Variants in CYB561D1 observed in about 807,000 individuals in gnomAD.
CYB561D1 encodes cytochrome b561 family member D1.
CYB561D1 carries 15 observed loss-of-function variants against 19.2 expected under a neutral mutation model. That is an observed-to-expected ratio of 0.78 (90% confidence interval 0.52 to 1.20). CYB561D1 has a LOEUF of 1.20. Among genes scored for constraint, CYB561D1 ranks in the 50% most tolerant of loss-of-function variants. CYB561D1 has a pLI of 0.00. For missense variants in CYB561D1, 297 were observed against 287.3 expected, an observed-to-expected ratio of 1.03 and a Z score of -0.24; for synonymous variants, 133 against 120.6, an observed-to-expected ratio of 1.10 and a Z score of -0.68.
rs556410232 is a variant in CYB561D1 at position 109,497,178 on chromosome 1, C to G, written c.*919C>G. ...GGGCTGCAGGGCCTGCGTGCGCTCCCTCCCCCGAAATCACTTCTCAGGGCA... is the reference window on the plus strand; with the variant it reads ...GGGCTGCAGGGCCTGCGTGCGCTCCGTCCCCCGAAATCACTTCTCAGGGCA... On this transcript the variant is annotated 3_prime_UTR_variant, in exon 3 of 3. Coordinates refer to ENST00000420578, the MANE Select transcript of CYB561D1 (RefSeq NM_182580.3). 9 of 152,746 alleles carry G rather than the reference C, an allele frequency of 5.9e-5. No homozygotes were observed. Among genetic ancestry groups the G allele is most frequent in the African/African-American group, 2.2e-4 (9 of 41,590 alleles). 9.5% of individuals were successfully genotyped at this position (152,746 alleles called of 1,614,324 possible).
Position 109,495,135 on chromosome 1 carries a change from A to G in CYB561D1, c.149-8A>G. On this transcript the variant is annotated splice_polypyrimidine_tract_variant and splice_region_variant and intron_variant, in intron 1 of 2. Coordinates refer to ENST00000420578, the MANE Select transcript of CYB561D1 (RefSeq NM_182580.3). Reference sequence around the variant, plus strand: ...CCAAGCCCTCAGCCTGTTCTCTTTGATTCTTAGGTCTTTTCTCCTGGCACC... The same window carrying G: ...CCAAGCCCTCAGCCTGTTCTCTTTGGTTCTTAGGTCTTTTCTCCTGGCACC... 2 of 1,614,164 alleles carry G rather than the reference A, an allele frequency of 1.2e-6. No homozygotes were observed. The highest frequency in any genetic ancestry group is 1.7e-6 in the Non-Finnish European group (2 of 1,180,030).
In CYB561D1 at chr1:109,497,559, G is replaced by A. The variant is rs1201779787; in HGVS notation, c.*1300G>A. 1 of 152,326 alleles carries A rather than the reference G, an allele frequency of 6.6e-6. No individual in the cohort carries two copies. Among genetic ancestry groups the A allele is most frequent in the African/African-American group, 2.4e-5 (1 of 41,456 alleles). 9.4% of individuals were successfully genotyped at this position (152,326 alleles called of 1,614,324 possible). On this transcript the variant is annotated 3_prime_UTR_variant, in exon 3 of 3. Coordinates refer to ENST00000420578, the MANE Select transcript of CYB561D1 (RefSeq NM_182580.3). ...TGAGGACTGGATGCTAGACTGCTGA[G>A]CTGTGGTCTGGGCTCAGTTGAGAAG... is the stretch of plus-strand genomic sequence containing the variant.
At chr1:109,495,115 C>T in intron 1 of CYB561D1, 28 bp from the exon 2 acceptor site, 1 of 1,613,960 alleles carries the variant, frequency 6.2e-7, no homozygotes, top group Non-Finnish European at 8.5e-7. Flanking sequence ...TGGTACCAAG[C>T]CCTCAGCCTG....
Position 109,496,232 on chromosome 1 carries a change from C to A in CYB561D1, c.663C>A (p.Tyr221Ter). 6.3e-7 allele frequency: 1 copy of A among 1,577,154 alleles called. No homozygotes were observed. Among genetic ancestry groups the A allele is most frequent in the Non-Finnish European group, 8.7e-7 (1 of 1,154,908 alleles). The change falls in exon 3 of 3, where the codon TAC (tyrosine) becomes TAA (stop). Residue 221 changes from tyrosine to a stop codon, truncating the protein, a stop_gained. Coordinates refer to ENST00000420578, the MANE Select transcript of CYB561D1 (RefSeq NM_182580.3). LOFTEE classifies it high-confidence loss of function. ...LVIMHQISRS[Y>*]LPRKKMEM ...TCATGCACCAGATTTCCAGATCCTA[C>A]TTGCCGAGGAAGAAAATGGAAATGT...
chr1:109,495,952 G>A lies in CYB561D1; in HGVS notation c.383G>A (p.Ser128Asn). The change falls in exon 3 of 3, where the codon AGC (serine) becomes AAC (asparagine). Residue 128 changes from serine (S) to asparagine (N), a missense_variant. Coordinates refer to ENST00000420578, the MANE Select transcript of CYB561D1 (RefSeq NM_182580.3). The part of the protein sequence containing the change: ...SELPHLVSWH[S>N]WVGALTLLAT... ...CTGCCTCATCTGGTGTCCTGGCACA[G>A]CTGGGTGGGAGCCCTGACACTGCTG... 6.2e-7 allele frequency: 1 copy of A among 1,613,544 alleles called. No individual in the cohort carries two copies. The highest frequency in any genetic ancestry group is 1.1e-5 in the South Asian group (1 of 91,052).
chr1:109,494,394 G>A, intron 1 of CYB561D1, 107 bp downstream of exon 1: 1 of 1,532,614 alleles, frequency 6.5e-7, no homozygotes, highest in Non-Finnish European at 8.8e-7. Context: ...CAGTAAAGGG[G>A]AGACAGAAAC....
chr1:109,494,385 A>G, intron 1 of CYB561D1, 98 bp downstream of exon 1: 3 of 1,523,952 alleles, frequency 2.0e-6, no homozygotes, highest in Non-Finnish European at 2.6e-6. Flanking sequence ...GGACCCCAGC[A>G]GTAAAGGGGA....
In CYB561D1 at chr1:109,495,463, G is replaced by A. The variant is rs148935258; in HGVS notation, c.186+283G>A. Among the ~76,000 whole-genome samples, 384 of 152,270 alleles carry A rather than the reference G, an allele frequency of 2.5e-3. 1 individual carries two copies. Among genetic ancestry groups the A allele is most frequent in the South Asian group, 2.7e-3 (13 of 4,828 alleles). On this transcript the variant is annotated intron_variant, in intron 2 of 2. Transcript: ENST00000420578. ...GAGAGGTGTTATCCGGTCATCTCCCGACTTGTCCCCAAAGTTCAGGAAGAA... is the reference window on the plus strand; with the variant it reads ...GAGAGGTGTTATCCGGTCATCTCCCAACTTGTCCCCAAAGTTCAGGAAGAA...
rs1324246427 is a variant in CYB561D1 at position 109,494,220 on chromosome 1, G to T, written c.81G>T (p.Gly27=). Residue 27 remains glycine (G), a synonymous_variant, in exon 1 of 3, where the codon GGG becomes GGT. Coordinates refer to ENST00000420578, the MANE Select transcript of CYB561D1 (RefSeq NM_182580.3). The part of the protein sequence containing the change: ...RLTRWLRRGS[G]ILAHLVALGF... ...CCCGCTGGCTGCGGAGAGGCAGTGG[G>T]ATCTTGGCGCACCTGGTAGCTTTGG... is the stretch of plus-strand genomic sequence containing the variant. 1 of 1,569,380 alleles carries T rather than the reference G, an allele frequency of 6.4e-7. No individual in the cohort carries two copies. The highest frequency in any genetic ancestry group is 8.6e-7 in the Non-Finnish European group (1 of 1,157,088).
At position 109,496,786 on chromosome 1, in the gene CYB561D1, T is replaced by C. The variant is rs1049589068; in HGVS notation, c.*527T>C. Reference sequence around the variant, plus strand: ...CTCTAAGTCCCTTCCTTCTCTAATATACAGCGTCTGTCAGGTCGATGTCTC... The same window carrying C: ...CTCTAAGTCCCTTCCTTCTCTAATACACAGCGTCTGTCAGGTCGATGTCTC... On this transcript the variant is annotated 3_prime_UTR_variant, in exon 3 of 3. Transcript: ENST00000420578. The C allele has an allele frequency of 6.6e-6, 1 of 152,494 alleles. No homozygotes were observed. The highest frequency in any genetic ancestry group is 1.5e-5 in the Non-Finnish European group (1 of 68,254). The allele number at this position is 152,494 out of a possible 1,614,324, so 9.4% of individuals were successfully genotyped here.
Position 109,494,156 on chromosome 1 carries a change from T to A in CYB561D1, c.17T>A (p.Val6Glu). MQPLEVGLVPAPAGEP... is the reference protein window; with the variant it reads MQPLEEGLVPAPAGEP... Reference sequence around the variant, plus strand: ...GCCACGGCCATGCAGCCCCTGGAGGTAGGTCTGGTTCCCGCTCCAGCTGGG... The same window carrying A: ...GCCACGGCCATGCAGCCCCTGGAGGAAGGTCTGGTTCCCGCTCCAGCTGGG... The change falls in exon 1 of 3, where the codon GTA (valine) becomes GAA (glutamate). Residue 6 changes from valine to glutamate, a missense_variant. Transcript: ENST00000420578. The A allele has an allele frequency of 6.5e-7, 1 of 1,535,700 alleles. No homozygotes were observed. The highest frequency in any genetic ancestry group is 8.8e-7 in the Non-Finnish European group (1 of 1,138,272).
rs541007400 is a variant in CYB561D1 at position 109,499,287 on chromosome 1, G to C, written c.*3028G>C. On this transcript the variant is annotated 3_prime_UTR_variant, in exon 3 of 3. Coordinates refer to ENST00000420578, the MANE Select transcript of CYB561D1 (RefSeq NM_182580.3). ...CTTTCACAAGGCAGGCTGCCCTTCC[G>C]CACTCACTGGCCCATCCCTTCTTTC... is the stretch of plus-strand genomic sequence containing the variant. The C allele has an allele frequency of 3.6e-4, 55 of 152,484 alleles. No individual in the cohort carries two copies. Among genetic ancestry groups the C allele is most frequent in the Non-Finnish European group, 6.7e-4 (46 of 68,194 alleles). 9.4% of individuals were successfully genotyped at this position (152,484 alleles called of 1,614,324 possible).
At chr1:109,495,322 T>A (rs1429234869) in intron 2 of CYB561D1, 142 bp downstream of exon 2, 1 of 1,054,884 alleles carries the variant, frequency 9.5e-7, no homozygotes, top group Non-Finnish European at 1.4e-6. Flanking sequence ...CCCTGCAGCC[T>A]ATGGGATTGG....
chr1:109,495,303 C>A, intron 2 of CYB561D1, 123 bp downstream of exon 2: 2 of 1,161,984 alleles, frequency 1.7e-6, no homozygotes, highest in Non-Finnish European at 2.6e-6. Flanking sequence ...ACATCTAGGG[C>A]TCATCTTTCC....
chr1:109,494,898 GGCTGCCAGCTGAGAGGT>G, intron 1 of CYB561D1, among the ~76,000 whole-genome samples: 1 of 152,286 alleles, frequency 6.6e-6, no homozygotes, highest in East Asian at 1.9e-4. Context: ...CAGAGGACTG[GGCTGCCAGCTGAGAGGT>G]GCTGAACGGG....
intron 2 of CYB561D1, chr1:109,495,535 GAGGTT>G (rs1314240840): frequency 3.8e-6 from 3 of 798,246 alleles, no homozygotes; most frequent in Non-Finnish European, 5.8e-6. Flanking sequence ...AGTCATTGTA[GAGGTT>G]GGGATGGGGA....
In CYB561D1 at chr1:109,497,838, C is replaced by CA. The variant is rs11398789; in HGVS notation, c.*1580dup. 0.31 allele frequency: 47,114 copies of CA among 151,944 alleles called. 7,719 individuals carry two copies. Among genetic ancestry groups the CA allele is most frequent in the African/African-American group, 0.39 (15,942 of 41,358 alleles). The allele number at this position is 151,944 out of a possible 1,614,324, so 9.4% of individuals were successfully genotyped here. ...TTGGTTTGATTCAATAGTATGGGGA[C>CA]AGAATGGGGACAGCAAGGGCAGAAG... On this transcript the variant is annotated 3_prime_UTR_variant, in exon 3 of 3. Transcript: ENST00000420578.
chr1:109,495,143 G>T lies in CYB561D1; in HGVS notation c.149G>T (p.Ser50Ile). The T allele has an allele frequency of 6.2e-7, 1 of 1,614,196 alleles. No homozygotes were observed. Among genetic ancestry groups the T allele is most frequent in the Non-Finnish European group, 8.5e-7 (1 of 1,180,024 alleles). ...TCAGCCTGTTCTCTTTGATTCTTAG[G>T]TCTTTTCTCCTGGCACCCTGTATTC... is the stretch of plus-strand genomic sequence containing the variant. ...FLTALSRPGT[S>I]LFSWHPVFMA... Residue 50 changes from serine to isoleucine, a missense_variant and splice_region_variant, in exon 2 of 3, where the codon AGT (serine) becomes ATT (isoleucine). Coordinates refer to ENST00000420578, the MANE Select transcript of CYB561D1 (RefSeq NM_182580.3).
rs1557883589 is a variant in CYB561D1 at position 109,498,858 on chromosome 1, A to ATT, written c.*2599_*2600insTT. 24 of 95,282 alleles carry ATT rather than the reference A, an allele frequency of 2.5e-4. No individual in the cohort carries two copies. The highest frequency in any genetic ancestry group is 8.6e-4 in the African/African-American group (23 of 26,820). The allele number at this position is 95,282 out of a possible 1,614,324, so 5.9% of individuals were successfully genotyped here. On this transcript the variant is annotated 3_prime_UTR_variant, in exon 3 of 3. Transcript: ENST00000420578. ...GTCAGCCTGTTTTGCCTTTTTTTAA[A>ATT]AAAAAAAAAAAAGCCAGGGCAGGGT...
Sources: allele counts gnomAD v4.1 joint callset (sites outside exome capture counted in the v4.1 genomes callset), GRCh38; gene constraint gnomAD v4.1.1; transcripts MANE v1.5; gene names NCBI Gene and HGNC (gene_info 2026-07-23, HGNC 2026-07-21).